EVC: variants seen among roughly 807,000 people sequenced by gnomAD.
EVC encodes EvC ciliary complex subunit 1, also known as evC complex member EVC.
Under a neutral mutation model 118.9 loss-of-function variants are expected in EVC, and 116 were observed. The observed-to-expected ratio is 0.98, with a 90% CI of 0.84 to 1.14. EVC has a LOEUF of 1.14. EVC is among the 50% of genes most tolerant of loss of function. EVC has a pLI of 0.00. For missense variants in EVC, 1,401 were observed against 1,246.4 expected (o/e 1.12, Z -1.87); for synonymous variants, 619 against 534.7 (o/e 1.16, Z -2.18).
At chr4:5,728,928 C>T (rs1726307687) in intron 2 of EVC, among the ~76,000 whole-genome samples, 1 of 152,152 alleles carries the variant, frequency 6.6e-6, no homozygotes, top group Non-Finnish European at 1.5e-5. Context: ...GTCTGTTCAT[C>T]CATCTGTCCA....
chr4:5,751,019 C>A (rs1002279356), intron 8 of EVC, among the ~76,000 whole-genome samples: 2 of 152,090 alleles, frequency 1.3e-5, no homozygotes, highest in Non-Finnish European at 2.9e-5. Context: ...GGGACCCTGA[C>A]GGTCATCAGA....
At chr4:5,804,956 G>T (rs1349881731) in intron 17 of EVC, 115 bp downstream of exon 17, 1 of 911,518 alleles carries the variant, frequency 1.1e-6, no homozygotes, top group Non-Finnish European at 1.7e-6. Flanking sequence ...GGACTTGGGG[G>T]CCATCGGCCT....
rs1218258775 is a variant in EVC, at chr4:5,814,069, T to A, written c.*3032T>A. 6.6e-6 allele frequency: 1 copy of A among 152,266 alleles called. No individual in the cohort carries two copies. Among genetic ancestry groups the A allele is most frequent in the African/African-American group, 2.4e-5 (1 of 41,456 alleles). 9.4% of individuals were successfully genotyped at this position (152,266 alleles called of 1,614,324 possible). ...GGGCTGCCCTGAAGCTGATGAAGGC[T>A]TGAAGGACGGAAGGGCTGAGCCACA... On this transcript the variant is annotated 3_prime_UTR_variant, in exon 21 of 21. Coordinates refer to ENST00000264956, the MANE Select transcript of EVC (RefSeq NM_153717.3).
At chr4:5,815,754 C>T (rs139907124), downstream of EVC, among the ~76,000 whole-genome samples, 145 of 152,266 alleles carry the variant, frequency 9.5e-4, no homozygotes, top group East Asian at 7.7e-3. Flanking sequence ...GTGTGCAGTT[C>T]GGTGCTTTGA....
chr4:5,712,188 C>T (rs948066325), intron 1 of EVC, among the ~76,000 whole-genome samples: 1 of 152,180 alleles, frequency 6.6e-6, no homozygotes, highest in African/African-American at 2.4e-5. Flanking sequence ...GGGACGCTGG[C>T]AATGCTAGCG....
intron 14 of EVC, among the ~76,000 whole-genome samples, chr4:5,797,945 C>G (rs778148697): frequency 1.9e-4 from 29 of 152,174 alleles, no homozygotes; most frequent in Non-Finnish European, 3.5e-4. Context: ...GGGAGTTACA[C>G]CCAGGTAGGC....
intron 14 of EVC, chr4:5,797,542 T>C (rs1714207245): frequency 2.0e-6 from 1 of 499,868 alleles, no homozygotes; most frequent in East Asian, 3.6e-5. Context: ...AGGTCCTTCC[T>C]CTGTGGGTGT....
intron 5 of EVC, among the ~76,000 whole-genome samples, chr4:5,736,454 C>T (rs555208123): frequency 6.6e-6 from 1 of 151,284 alleles, no homozygotes; most frequent in Admixed American, 6.6e-5. Flanking sequence ...CACTTTGTGC[C>T]TGCACACCTG....
At chr4:5,713,560 C>G (rs1262324594) in intron 1 of EVC, among the ~76,000 whole-genome samples, 1 of 151,962 alleles carries the variant, frequency 6.6e-6, no homozygotes, top group Non-Finnish European at 1.5e-5. Context: ...GCCTGTAATC[C>G]CAGCTACTCA....
At chr4:5,801,625 G>A (rs549218170) in intron 15 of EVC, 32 of 314,844 alleles carry the variant, frequency 1.0e-4, no homozygotes, top group African/African-American at 6.3e-4. Flanking sequence ...GGTTGCAGTG[G>A]GCCGAGATTG....
At position 5,797,122 on chromosome 4, in the gene EVC, C is replaced by G. The variant is rs867240492; in HGVS notation, c.1987C>G (p.Arg663Gly). 2 of 1,613,554 alleles carry G rather than the reference C, an allele frequency of 1.2e-6. No homozygotes were observed. The highest frequency in any genetic ancestry group is 2.2e-5 in the East Asian group (1 of 44,866). The change falls in exon 14 of 21, where the codon CGG (arginine) becomes GGG (glycine). Residue 663 changes from arginine (R) to glycine (G), a missense_variant. By Grantham distance (125) the Arg-to-Gly change is moderately radical (BLOSUM62 -2). Transcript: ENST00000264956. ...GNALATLTQM[R>G]LSGKKHLLQE... The stretch of plus-strand genomic sequence containing the variant: ...CGCCCTGGCCACCCTGACGCAGATG[C>G]GGCTATCGGGGAAGAAGCACCTCCT...
downstream of EVC, among the ~76,000 whole-genome samples, chr4:5,816,640 C>G (rs1352672156): frequency 1.4e-5 from 2 of 139,520 alleles, no homozygotes; most frequent in Non-Finnish European, 3.2e-5. Context: ...CCTCCTTCCC[C>G]TCTCTCCCTT....
chr4:5,825,880 C>T, the EVC span: 28 of 513,100 alleles, frequency 5.5e-5, 1 homozygote, highest in South Asian at 5.6e-4. This position sits in a 1 kb window ranked among gnomAD's most constrained non-coding sequence, Gnocchi z 4.4. Flanking sequence ...CATCTACATA[C>T]CCACATGCAT....
chr4:5,734,736 C>G lies in EVC; in HGVS notation c.702+1301C>G, dbSNP rs139115976. On this transcript the variant is annotated intron_variant, in intron 5 of 20. Transcript: ENST00000264956. Reference sequence around the variant, plus strand: ...CTCTGTGTGAGCAGGACTGACTGGCCTCATAAACGGGTGCCAATGTTTGAA... The same window carrying G: ...CTCTGTGTGAGCAGGACTGACTGGCGTCATAAACGGGTGCCAATGTTTGAA... Among the ~76,000 whole-genome samples the G allele has an allele frequency of 6.4e-3, 973 of 152,306 alleles. 8 individuals are homozygous for G. Among genetic ancestry groups the G allele is most frequent in the African/African-American group, 0.022 (928 of 41,558 alleles).
chr4:5,816,915 G>A (rs942193816), downstream of EVC, among the ~76,000 whole-genome samples: 4 of 152,140 alleles, frequency 2.6e-5, no homozygotes, highest in African/African-American at 7.2e-5. Flanking sequence ...TCAACCTCCT[G>A]AGAACTCTGG....
At chr4:5,787,798 G>C (rs753717445) in intron 12 of EVC, among the ~76,000 whole-genome samples, 1 of 152,042 alleles carries the variant, frequency 6.6e-6, no homozygotes, top group Non-Finnish European at 1.5e-5. Flanking sequence ...TTGAATCCTG[G>C]CTCCCCACCT....
chr4:5,800,570 TCCG>T (rs1355500528), intron 15 of EVC, among the ~76,000 whole-genome samples: 21 of 152,098 alleles, frequency 1.4e-4, no homozygotes, highest in Non-Finnish European at 2.5e-4. Flanking sequence ...GAGTGGGGTG[TCCG>T]CCACTTTACT....
chr4:5,735,033 A>G (rs1727444636), intron 5 of EVC, among the ~76,000 whole-genome samples: 1 of 152,174 alleles, frequency 6.6e-6, no homozygotes, highest in African/African-American at 2.4e-5. Flanking sequence ...AGCAGCTTAC[A>G]GTCCTGGAGG....
intron 13 of EVC, among the ~76,000 whole-genome samples, chr4:5,795,900 G>T (rs1201867158): frequency 6.6e-6 from 1 of 152,092 alleles, no homozygotes; most frequent in African/African-American, 2.4e-5. Context: ...ATCTTCCCCT[G>T]CCTATTCTCT....
Sources: allele counts gnomAD v4.1 joint callset (sites outside exome capture counted in the v4.1 genomes callset), GRCh38; gene constraint gnomAD v4.1.1; non-coding constraint Gnocchi (gnomAD v3.1); transcripts MANE v1.5; gene names NCBI Gene and HGNC (gene_info 2026-07-23, HGNC 2026-07-21).